Variants in CEP44 observed in about 807,000 individuals in gnomAD.
CEP44 encodes centrosomal protein of 44 kDa.
Under a neutral mutation model 46.7 loss-of-function variants are expected in CEP44, and 45 were observed. That is an observed-to-expected ratio of 0.96 (90% CI 0.76 to 1.24). The LOEUF (loss-of-function observed/expected upper bound fraction) is 1.24, where lower values mean the gene tolerates loss of function less well. Ranked by LOEUF, CEP44 falls within the 50% of genes most tolerant of loss-of-function variation. The pLI, the probability that CEP44 is intolerant of heterozygous loss-of-function variation, is 0.00. For synonymous variants in CEP44, 142 were observed against 146.0 expected (o/e 0.97, Z 0.20); for missense variants, 475 against 459.7 (o/e 1.03, Z -0.30).
At chr4:174,316,482 T>C (rs1579154561) in intron 10 of CEP44, 48 bp from the exon 11 acceptor site, 2 of 1,504,120 alleles carry the variant, frequency 1.3e-6, no homozygotes, top group South Asian at 1.2e-5. Flanking sequence ...TCTTTGATGA[T>C]GGTTTACTTT....
chr4:174,328,615 C>T (rs1258673836), intron 8 of CEP44, among the ~76,000 whole-genome samples: 2 of 152,156 alleles, frequency 1.3e-5, no homozygotes, highest in African/African-American at 4.8e-5. Flanking sequence ...TGATTAGAGT[C>T]TTATGGTGTA....
chr4:174,319,142 A>G lies in CEP44; in HGVS notation c.*1759A>G, dbSNP rs1253344925. Reference sequence around the variant, plus strand: ...GTATTCTAATAAACAGTTGGTCATCAGAACTTTAAAATGGTAGCCTACAGA... The same window carrying G: ...GTATTCTAATAAACAGTTGGTCATCGGAACTTTAAAATGGTAGCCTACAGA... On this transcript the variant is annotated 3_prime_UTR_variant, in exon 12 of 12. Transcript: ENST00000503780. The G allele has an allele frequency of 3.6e-5, 35 of 984,880 alleles. No homozygotes were observed. Among genetic ancestry groups the G allele is most frequent in the Non-Finnish European group, 4.1e-5 (34 of 829,530 alleles). 61.0% of individuals were successfully genotyped at this position (984,880 alleles called of 1,614,324 possible).
chr4:174,300,347 T>A (rs1400420814), intron 3 of CEP44, among the ~76,000 whole-genome samples: 2 of 152,088 alleles, frequency 1.3e-5, no homozygotes, highest in Non-Finnish European at 1.5e-5. Flanking sequence ...ACAGATGTAA[T>A]CCATGTATGT....
chr4:174,308,181 A>T (rs2126624499), intron 6 of CEP44, among the ~76,000 whole-genome samples: 1 of 152,272 alleles, frequency 6.6e-6, no homozygotes, highest in South Asian at 2.1e-4. Context: ...AATAGCAAAG[A>T]CATGGAATCA....
chr4:174,295,076 G>A (rs1285042468), intron 1 of CEP44, among the ~76,000 whole-genome samples: 1 of 150,302 alleles, frequency 6.7e-6, no homozygotes. Flanking sequence ...GCCGGGCGGG[G>A]GGCTGATCCC....
chr4:174,291,787 C>CTTTTTTTTTTTTTTTTTTTTTTTT (rs56201469), intron 1 of CEP44, among the ~76,000 whole-genome samples: 4 of 46,406 alleles, frequency 8.6e-5, no homozygotes, highest in Admixed American at 3.2e-4. Context: ...TTTTTCTTTT[C>CTTTTTTTTTTTTTTTTTTTTTTTT]TTTTTTTTTT....
rs1661338411 is a variant in CEP44 at position 174,287,782 on chromosome 4, A to G, written c.-148+3839A>G. Among the ~76,000 whole-genome samples the G allele has an allele frequency of 6.6e-6, 1 of 152,212 alleles. No homozygotes were observed. The highest frequency in any genetic ancestry group is 2.4e-5 in the African/African-American group (1 of 41,466). ...ATTATTTCATGCTGACAATATGTTT[A>G]TAAGTGTTTTGCAGTAACCTTTTTG... On this transcript the variant is annotated intron_variant, in intron 1 of 11. Coordinates refer to ENST00000503780, the MANE Select transcript of CEP44 (RefSeq NM_001040157.3). The surrounding 1 kb of genome is among the most constrained non-coding windows in gnomAD (Gnocchi z 5.1).
chr4:174,308,594 A>G, intron 6 of CEP44, 95 bp from the exon 7 acceptor site: 1 of 1,209,566 alleles, frequency 8.3e-7, no homozygotes, highest in Non-Finnish European at 1.2e-6. Context: ...TTGTGTAACA[A>G]ACCTGCACAT....
rs1214810255 is a variant in CEP44 at position 174,294,749 on chromosome 4, C to CG, written c.-147-3211dup. Among the ~76,000 whole-genome samples, 3 of 131,954 alleles carry CG rather than the reference C, an allele frequency of 2.3e-5. No homozygotes were observed. In the East Asian group the frequency reaches 7.2e-4, roughly 32 times the overall value. The allele number at this position is 131,954 out of a possible 152,430, so 86.6% of individuals were successfully genotyped here. On this transcript the variant is annotated intron_variant, in intron 1 of 11. Coordinates refer to ENST00000503780, the MANE Select transcript of CEP44 (RefSeq NM_001040157.3). Reference sequence around the variant, plus strand: ...GACCACCCCCCACCTCCCTGCTGGGCGGGGGGCTGACCCCCCCACCTCCCT... The same window carrying CG: ...GACCACCCCCCACCTCCCTGCTGGGCGGGGGGGCTGACCCCCCCACCTCCCT...
Position 174,318,592 on chromosome 4 carries a change from T to C in CEP44, c.*1209T>C, listed in dbSNP as rs1579161466. The C allele has an allele frequency of 1.3e-6, 1 of 784,994 alleles. No homozygotes were observed. The highest frequency in any genetic ancestry group is 1.9e-5 in the African/African-American group (1 of 53,198). The allele number at this position is 784,994 out of a possible 1,614,324, so 48.6% of individuals were successfully genotyped here. On this transcript the variant is annotated 3_prime_UTR_variant, in exon 12 of 12. Coordinates refer to ENST00000503780, the MANE Select transcript of CEP44 (RefSeq NM_001040157.3). ...CCTCAAGAAAATTGACTTCATTATT[T>C]GGAAGGAAAATTAGTATTTTTTTTA...
At chr4:174,305,781 A>G (rs1232125077) in intron 6 of CEP44, among the ~76,000 whole-genome samples, 1 of 152,218 alleles carries the variant, frequency 6.6e-6, no homozygotes, top group East Asian at 1.9e-4. Context: ...TTAGCACAGG[A>G]TTAGGAACAC....
chr4:174,321,098 T>G (rs570943275), downstream of CEP44, among the ~76,000 whole-genome samples: 1 of 152,290 alleles, frequency 6.6e-6, no homozygotes, highest in South Asian at 2.1e-4. Context: ...TGGAATCTTG[T>G]TAGAAGTGCA....
Position 174,325,913 on chromosome 4 carries a change from C to G in CEP44, c.1087-5569C>G, listed in dbSNP as rs1742633070. Among the ~76,000 whole-genome samples the G allele has an allele frequency of 6.6e-6, 1 of 152,060 alleles. No individual in the cohort carries two copies. Among genetic ancestry groups the G allele is most frequent in the African/African-American group, 2.4e-5 (1 of 41,408 alleles). On this transcript the variant is annotated intron_variant, in intron 8 of 8. Transcript: ENST00000426172. This position sits in a 1 kb window ranked among gnomAD's most constrained non-coding sequence, Gnocchi z 4.4. The stretch of plus-strand genomic sequence containing the variant: ...TCCAGATTTCTCTTAGGAAGTGTTA[C>G]TACAGTATTTATTTCCCATCTTTTT...
intron 6 of CEP44, 55 bp downstream of exon 6, chr4:174,304,424 A>G (rs1263479283): frequency 1.9e-6 from 3 of 1,572,496 alleles, no homozygotes; most frequent in Admixed American, 2.1e-5. Context: ...AATTAATCCA[A>G]TATACAGTTT....
intron 6 of CEP44, among the ~76,000 whole-genome samples, chr4:174,305,118 A>G (rs1365777146): frequency 6.6e-6 from 1 of 152,220 alleles, no homozygotes; most frequent in Non-Finnish European, 1.5e-5. Flanking sequence ...TTTCTGCCCT[A>G]ATCCAAAATA....
rs1054542597 is a variant in CEP44, at chr4:174,312,438, G to A, written c.961+1580G>A. On this transcript the variant is annotated intron_variant, in intron 9 of 11. Coordinates refer to ENST00000503780, the MANE Select transcript of CEP44 (RefSeq NM_001040157.3). The surrounding 1 kb of genome is among the most constrained non-coding windows in gnomAD (Gnocchi z 4.5). ...CCTGAGTAGCTGGGACTACAGGTAC[G>A]TGCCACCACACCTGGATAATTTTTT... is the stretch of plus-strand genomic sequence containing the variant. Among the ~76,000 whole-genome samples, 16 of 151,926 alleles carry A rather than the reference G, an allele frequency of 1.1e-4. No individual in the cohort carries two copies. The highest frequency in any genetic ancestry group is 2.7e-4 in the African/African-American group (11 of 41,400).
In CEP44 at chr4:174,317,335, G is replaced by T; in HGVS notation, c.1125G>T (p.Met375Ile). Residue 375 changes from methionine to isoleucine, a missense_variant and splice_region_variant, in exon 12 of 12, where the codon ATG (methionine) becomes ATT (isoleucine). Coordinates refer to ENST00000503780, the MANE Select transcript of CEP44 (RefSeq NM_001040157.3). ...TIQKMERMKK[M>I]FEETAELLKC... ...TAATATATTATTTATTATATTTCAG[G>T]TTTGAAGAAACTGCAGAGTTACTGA... 1 of 1,314,544 alleles carries T rather than the reference G, an allele frequency of 7.6e-7. No individual in the cohort carries two copies. The highest frequency in any genetic ancestry group is 1.9e-5 in the South Asian group (1 of 52,574). 81.4% of individuals were successfully genotyped at this position (1,314,544 alleles called of 1,614,324 possible).
At chr4:174,325,140 C>A (rs1308390118), downstream of CEP44, among the ~76,000 whole-genome samples, 4 of 152,050 alleles carry the variant, frequency 2.6e-5, no homozygotes, top group Admixed American at 6.6e-5. This position sits in a 1 kb window ranked among gnomAD's most constrained non-coding sequence, Gnocchi z 4.4. Context: ...TATTTATTTG[C>A]CATTAGTATA....
Position 174,317,293 on chromosome 4 carries a change from T to C in CEP44, c.1125-42T>C, listed in dbSNP as rs768953112. Reference sequence around the variant, plus strand: ...ACAACTAAAATGCTATGCTTTATTATGAATTATTGATTTACTTAATATATT... The same window carrying C: ...ACAACTAAAATGCTATGCTTTATTACGAATTATTGATTTACTTAATATATT... On this transcript the variant is annotated intron_variant, in intron 11 of 11. Coordinates refer to ENST00000503780, the MANE Select transcript of CEP44 (RefSeq NM_001040157.3). 21 of 799,182 alleles carry C rather than the reference T, an allele frequency of 2.6e-5. No homozygotes were observed. In the East Asian group the frequency reaches 6.7e-4, roughly 26 times the overall value. The allele number at this position is 799,182 out of a possible 1,614,324, so 49.5% of individuals were successfully genotyped here.
Sources: gnomAD v4.1 joint callset for allele counts (sites outside exome capture counted in the v4.1 genomes callset) on GRCh38, gnomAD v4.1.1 for gene constraint, Gnocchi (gnomAD v3.1) non-coding constraint, MANE v1.5 for transcripts, NCBI Gene and HGNC (gene_info 2026-07-23, HGNC 2026-07-21) for gene names.